XRCC5: variants seen among roughly 807,000 people sequenced by gnomAD.
The protein encoded by XRCC5 is X-ray repair cross complementing 5.
Under a neutral mutation model 95.7 loss-of-function variants are expected in XRCC5, and 12 were observed. The observed-to-expected ratio is 0.13, with a 90% confidence interval of 0.08 to 0.20. The LOEUF (loss-of-function observed/expected upper bound fraction) is 0.20. XRCC5 is among the 10% of genes least tolerant of loss of function. The pLI is 1.00. For missense variants in XRCC5, 595 were observed against 873.9 expected (o/e 0.68, Z 4.02); for synonymous variants, 281 against 290.3 (o/e 0.97, Z 0.33).
At chr2:216,135,884 T>C (rs1030516328) in intron 10 of XRCC5, among the ~76,000 whole-genome samples, 2 of 151,744 alleles carry the variant, frequency 1.3e-5, no homozygotes, top group Admixed American at 6.6e-5. Flanking sequence ...GCAATGATGT[T>C]AATGGAAATA....
At chr2:216,196,116 T>G (rs1241380749) in intron 19 of XRCC5, among the ~76,000 whole-genome samples, 2 of 152,060 alleles carry the variant, frequency 1.3e-5, no homozygotes, top group Admixed American at 6.5e-5. Flanking sequence ...ATATCTTCAA[T>G]TTTCAACTCA....
At chr2:216,117,826 A>C in intron 4 of XRCC5, 32 bp downstream of exon 4, 3 of 1,611,514 alleles carry the variant, frequency 1.9e-6, no homozygotes, top group Middle Eastern at 1.7e-4. Context: ...GCTGGAAGAG[A>C]ATCTTTTTGC....
Position 216,122,248 on chromosome 2 carries a change from A to T in XRCC5, c.678A>T (p.Ser226=), listed in dbSNP as rs142840990. The change falls in exon 6 of 21, where the codon TCA becomes TCT. Residue 226 remains serine (S), a synonymous_variant. Transcript: ENST00000392132. ...AAGATGGGTTGGATGAAATTTATTC[A>T]TTCAGGTAAGAATTGAAAACATTGA... ...EGEDGLDEIY[S]FSESLRKLCV... The T allele has an allele frequency of 6.2e-7, 1 of 1,607,518 alleles. No homozygotes were observed. Among genetic ancestry groups the T allele is most frequent in the East Asian group, 2.2e-5 (1 of 44,848 alleles).
chr2:216,109,561 C>A, intron 1 of XRCC5, 104 bp downstream of exon 1: 1 of 1,513,942 alleles, frequency 6.6e-7, no homozygotes, highest in Non-Finnish European at 9.0e-7. Flanking sequence ...AAGAATGGGG[C>A]AAGAGAAGAT....
At chr2:216,109,956 A>G (rs1696556865) in intron 1 of XRCC5, among the ~76,000 whole-genome samples, 1 of 152,262 alleles carries the variant, frequency 6.6e-6, no homozygotes, top group African/African-American at 2.4e-5. Context: ...TATTAGCTTT[A>G]TAATAACGTA....
chr2:216,192,285 T>G (rs1431832577), intron 17 of XRCC5, among the ~76,000 whole-genome samples: 1 of 152,238 alleles, frequency 6.6e-6, no homozygotes, highest in African/African-American at 2.4e-5. Context: ...TGAGTCAACA[T>G]GCTCGGCCTG....
In XRCC5 at chr2:216,176,618, T is replaced by C. The variant is rs117282145; in HGVS notation, c.1835-13607T>C. On this transcript the variant is annotated intron_variant, in intron 16 of 20. Coordinates refer to ENST00000392132, the MANE Select transcript of XRCC5 (RefSeq NM_021141.4). ...TGTATCTTCCCTTTTTCTTGGTCAGTCTAGGTAAAGGCTTATGGATTTTAT... is the reference window on the plus strand; with the variant it reads ...TGTATCTTCCCTTTTTCTTGGTCAGCCTAGGTAAAGGCTTATGGATTTTAT... Among the ~76,000 whole-genome samples the C allele has an allele frequency of 7.4e-3, 1,121 of 152,304 alleles. 24 individuals carry two copies. In the East Asian group the frequency reaches 0.098, roughly 13 times the overall value.
chr2:216,163,652 A>G (rs1300637069), intron 16 of XRCC5, among the ~76,000 whole-genome samples: 1 of 152,124 alleles, frequency 6.6e-6, no homozygotes, highest in East Asian at 1.9e-4. Flanking sequence ...AGTAGGTCTA[A>G]TGCATCTTAC....
intron 14 of XRCC5, among the ~76,000 whole-genome samples, chr2:216,154,843 CA>C (rs1468333690): frequency 3.0e-4 from 45 of 152,092 alleles, no homozygotes; most frequent in Admixed American, 2.9e-3. Context: ...AGCATAAGGT[CA>C]AACTCTTTTA....
At chr2:216,140,093 G>T (rs1006938921) in intron 12 of XRCC5, among the ~76,000 whole-genome samples, 2 of 152,188 alleles carry the variant, frequency 1.3e-5, no homozygotes, top group Non-Finnish European at 2.9e-5. Context: ...ACCTGTTGCT[G>T]GGAGGGCCTT....
chr2:216,172,579 G>A (rs1416199653), intron 16 of XRCC5, among the ~76,000 whole-genome samples: 5 of 149,250 alleles, frequency 3.4e-5, no homozygotes, highest in African/African-American at 5.0e-5. Context: ...AGTGATTCTC[G>A]TGCCTCAGCC....
At chr2:216,184,032 CTGTGTG>C (rs3221952) in intron 16 of XRCC5, among the ~76,000 whole-genome samples, 5,377 of 145,686 alleles carry the variant, frequency 0.037, 118 homozygotes, top group Non-Finnish European at 0.048. Flanking sequence ...TAAGTCAGCA[CTGTGTG>C]TGTGTGTGTG....
rs146987475 is a variant in XRCC5, at chr2:216,152,807, C to T, written c.1670+4531C>T. Among the ~76,000 whole-genome samples the T allele has an allele frequency of 3.1e-4, 47 of 151,950 alleles. No individual in the cohort carries two copies. The East Asian group carries it at 7.0e-3, about 23-fold the overall frequency. On this transcript the variant is annotated intron_variant, in intron 14 of 20. Coordinates refer to ENST00000392132, the MANE Select transcript of XRCC5 (RefSeq NM_021141.4). ...TCAGTAGCCTCCTGAGTAACTCACG[C>T]CGGCTAAGTTTTTTATATTTTGTCG...
In XRCC5 at chr2:216,121,928, A is replaced by G. The variant is rs1001830805; in HGVS notation, c.492-134A>G. 13 of 762,080 alleles carry G rather than the reference A, an allele frequency of 1.7e-5. No homozygotes were observed. In the African/African-American group the frequency reaches 1.8e-4, roughly 10 times the overall value. The allele number at this position is 762,080 out of a possible 1,614,324, so 47.2% of individuals were successfully genotyped here. On this transcript the variant is annotated intron_variant, in intron 5 of 20. Coordinates refer to ENST00000392132, the MANE Select transcript of XRCC5 (RefSeq NM_021141.4). ...ACTTGAAACTGGGAGAATATTGGCT[A>G]AGGTAGGTAAGAGTCGTTTGACAGA...
At chr2:216,131,330 A>C in intron 9 of XRCC5, 5 of 929,338 alleles carry the variant, frequency 5.4e-6, no homozygotes, top group African/African-American at 1.8e-5. Flanking sequence ...AGTGCTCATA[A>C]TGTCTCAACT....
intron 6 of XRCC5, among the ~76,000 whole-genome samples, chr2:216,125,051 C>T (rs985034464): frequency 1.3e-5 from 2 of 152,128 alleles, no homozygotes; most frequent in African/African-American, 4.8e-5. Flanking sequence ...TAGTCTTTAA[C>T]TCTCACTATT....
At chr2:216,187,222 G>T (rs1193246840) in intron 16 of XRCC5, among the ~76,000 whole-genome samples, 1 of 152,114 alleles carries the variant, frequency 6.6e-6, no homozygotes, top group Non-Finnish European at 1.5e-5. Context: ...TGAACCCTCT[G>T]GAGGAAAGAG....
chr2:216,178,323 G>T (rs182152617), intron 16 of XRCC5, among the ~76,000 whole-genome samples: 2 of 152,282 alleles, frequency 1.3e-5, no homozygotes, highest in East Asian at 3.9e-4. Flanking sequence ...TTAAAAAGTG[G>T]ACATCTCCTT....
intron 6 of XRCC5, among the ~76,000 whole-genome samples, chr2:216,125,159 C>G (rs903114272): frequency 6.6e-6 from 1 of 151,114 alleles, no homozygotes; most frequent in Non-Finnish European, 1.5e-5. Context: ...GGTGCCCTCC[C>G]TTTGATACTC....
Sources: gnomAD v4.1 joint callset for allele counts (sites outside exome capture counted in the v4.1 genomes callset) on GRCh38, gnomAD v4.1.1 for gene constraint, MANE v1.5 for transcripts, NCBI Gene and HGNC (gene_info 2026-07-23, HGNC 2026-07-21) for gene names.